Variants in PTPRD observed in about 807,000 individuals in gnomAD.
PTPRD encodes protein tyrosine phosphatase receptor type D, also known as receptor-type tyrosine-protein phosphatase delta.
In PTPRD, 34 loss-of-function variants were observed where a neutral mutation model predicts 214.5. That is an observed-to-expected ratio of 0.16 (90% CI 0.12 to 0.21). The LOEUF is 0.21. PTPRD is among the 10% of genes least tolerant of loss of function. PTPRD has a pLI of 1.00. For missense variants in PTPRD, 2,545 were observed against 2,398.7 expected (o/e 1.06, Z -1.27); for synonymous variants, 1,128 against 845.7 (o/e 1.33, Z -5.79).
At chr9:9,928,755 T>TACACACACACACACACACACACACAC (rs545488105) in intron 5 of PTPRD, among the ~76,000 whole-genome samples, 4 of 109,672 alleles carry the variant, frequency 3.6e-5, no homozygotes, top group African/African-American at 1.5e-4. Flanking sequence ...TCTCTCTCTC[T>TACACACACACACACACACACACACAC]ATACACACAC....
Position 10,443,445 on chromosome 9 carries a change from G to A in PTPRD, c.-599-102428C>T, listed in dbSNP as rs1169063828. Reference sequence around the variant, plus strand: ...GAATCAAACGAAATTTGACATACTAGTATTCCCCTAAGAAATTATCTCTTA... The same window carrying A: ...GAATCAAACGAAATTTGACATACTAATATTCCCCTAAGAAATTATCTCTTA... On this transcript the variant is annotated intron_variant, in intron 2 of 45. Coordinates refer to ENST00000381196, the MANE Select transcript of PTPRD (RefSeq NM_002839.4). 3.3e-5 allele frequency among the ~76,000 whole-genome samples: 5 copies of A among 151,494 alleles called. 1 individual carries two copies. In the South Asian group the frequency reaches 1.0e-3, roughly 31 times the overall value.
intron 34 of PTPRD, among the ~76,000 whole-genome samples, chr9:8,444,451 T>C (rs1178670129): frequency 2.0e-5 from 3 of 152,142 alleles, no homozygotes; most frequent in African/African-American, 7.2e-5. Flanking sequence ...GAAAGGTATA[T>C]ATGAAACTCT....
chr9:9,737,704 C>T (rs112692680), intron 6 of PTPRD, among the ~76,000 whole-genome samples: 43 of 152,242 alleles, frequency 2.8e-4, no homozygotes, highest in Admixed American at 1.0e-3. Context: ...AATATTTCAT[C>T]GAATGGATAT....
intron 9 of PTPRD, among the ~76,000 whole-genome samples, chr9:9,328,316 G>T (rs2040848678): frequency 6.6e-6 from 1 of 152,098 alleles, no homozygotes; most frequent in South Asian, 2.1e-4. Context: ...CTTACATGTA[G>T]TATGTGGTAT....
At position 8,965,305 on chromosome 9, in the gene PTPRD, G is replaced by A. The variant is rs781180223; in HGVS notation, c.-104+53392C>T. Among the ~76,000 whole-genome samples, 9 of 151,890 alleles carry A rather than the reference G, an allele frequency of 5.9e-5. No homozygotes were observed. In the East Asian group the frequency reaches 7.8e-4, roughly 13 times the overall value. On this transcript the variant is annotated intron_variant, in intron 11 of 45. Coordinates refer to ENST00000381196, the MANE Select transcript of PTPRD (RefSeq NM_002839.4). Reference sequence around the variant, plus strand: ...TGAGGCAGGAGAATCAGTTGAACCCGGGAGGCGGAGGTTGCAGTGAGCTGA... The same window carrying A: ...TGAGGCAGGAGAATCAGTTGAACCCAGGAGGCGGAGGTTGCAGTGAGCTGA...
chr9:8,657,164 CTTTT>C (rs749246223), intron 12 of PTPRD, among the ~76,000 whole-genome samples: 3 of 123,088 alleles, frequency 2.4e-5, no homozygotes, highest in Admixed American at 8.5e-5. Context: ...CTTTTGCCCA[CTTTT>C]TTTTTTTTTT....
At chr9:9,787,756 G>A (rs996084386) in intron 5 of PTPRD, among the ~76,000 whole-genome samples, 10 of 145,726 alleles carry the variant, frequency 6.9e-5, no homozygotes, top group African/African-American at 2.5e-4. Flanking sequence ...TCTGAACAAC[G>A]TATATCAATT....
At chr9:8,491,739 T>A (rs1235523732) in intron 27 of PTPRD, among the ~76,000 whole-genome samples, 1 of 151,406 alleles carries the variant, frequency 6.6e-6, no homozygotes, top group Non-Finnish European at 1.5e-5. Context: ...TTGAGGCAAT[T>A]CCAGGTGGCA....
chr9:9,656,216 T>A (rs1169109496), intron 7 of PTPRD, among the ~76,000 whole-genome samples: 1 of 152,164 alleles, frequency 6.6e-6, no homozygotes, highest in African/African-American at 2.4e-5. Context: ...GTTTGACAGT[T>A]TCTTATAAAA....
At chr9:10,086,619 T>G (rs555718008) in intron 3 of PTPRD, among the ~76,000 whole-genome samples, 9 of 151,936 alleles carry the variant, frequency 5.9e-5, no homozygotes, top group African/African-American at 1.7e-4. Flanking sequence ...ATTGTGAGGA[T>G]TAAGGTTAAG....
intron 11 of PTPRD, chr9:8,860,455 A>C (rs980684596): frequency 6.6e-6 from 1 of 152,226 alleles, no homozygotes; most frequent in African/African-American, 2.4e-5. Flanking sequence ...TCTTAGAGAA[A>C]GAAGTAGGGA....
intron 7 of PTPRD, among the ~76,000 whole-genome samples, chr9:9,709,023 T>C (rs1345236099): frequency 1.3e-5 from 2 of 151,992 alleles, no homozygotes; most frequent in Non-Finnish European, 2.9e-5. Flanking sequence ...TTTTCAAGTC[T>C]GCAGTCTTAA....
chr9:10,368,452 T>C (rs147413930), intron 2 of PTPRD, among the ~76,000 whole-genome samples: 1 of 152,238 alleles, frequency 6.6e-6, no homozygotes, highest in East Asian at 1.9e-4. Context: ...GGATAGTAAA[T>C]AATACCTCTC....
intron 12 of PTPRD, among the ~76,000 whole-genome samples, chr9:8,661,248 T>C (rs905203661): frequency 2.6e-5 from 4 of 152,078 alleles, no homozygotes; most frequent in Non-Finnish European, 4.4e-5. Context: ...GAGAAAATCC[T>C]AAAGGAGAAA....
At chr9:9,915,529 T>C (rs1380147242) in intron 5 of PTPRD, among the ~76,000 whole-genome samples, 2 of 151,040 alleles carry the variant, frequency 1.3e-5, no homozygotes, top group Non-Finnish European at 3.0e-5. Context: ...AATAAAGAGA[T>C]AGATATCATT....
At chr9:10,288,097 T>G (rs1224176270) in intron 3 of PTPRD, among the ~76,000 whole-genome samples, 1 of 139,888 alleles carries the variant, frequency 7.1e-6, no homozygotes, top group Non-Finnish European at 1.5e-5. Flanking sequence ...CTTTAAAAAT[T>G]TTGACCACAA....
intron 3 of PTPRD, among the ~76,000 whole-genome samples, chr9:10,225,919 A>T (rs1434995464): frequency 6.6e-6 from 1 of 152,058 alleles, no homozygotes; most frequent in Non-Finnish European, 1.5e-5. Flanking sequence ...CTTGAGAAGA[A>T]TAACAACTTT....
At chr9:10,389,429 G>A (rs947538178) in intron 2 of PTPRD, among the ~76,000 whole-genome samples, 1 of 151,724 alleles carries the variant, frequency 6.6e-6, no homozygotes, top group African/African-American at 2.4e-5. Context: ...AACCACTCAA[G>A]CTAAACATTT....
At chr9:9,935,518 AG>A (rs1390027928) in intron 5 of PTPRD, among the ~76,000 whole-genome samples, 2 of 152,160 alleles carry the variant, frequency 1.3e-5, no homozygotes, top group Non-Finnish European at 2.9e-5. Context: ...TCAACTTACA[AG>A]GGATGTGAAG....
Sources: allele counts gnomAD v4.1 joint callset (sites outside exome capture counted in the v4.1 genomes callset), GRCh38; gene constraint gnomAD v4.1.1; transcripts MANE v1.5; gene names NCBI Gene and HGNC (gene_info 2026-07-23, HGNC 2026-07-21).